Variants in AAK1 observed in about 807,000 individuals in gnomAD.
The protein encoded by AAK1 is AP2 associated kinase 1.
A neutral mutation model predicts 116.0 loss-of-function variants in AAK1; 37 were observed. The observed-to-expected ratio is 0.32, with a 90% CI of 0.25 to 0.42. The LOEUF is 0.42. Among genes scored for constraint, AAK1 ranks in the 10% least tolerant of loss-of-function variants. The probability of loss-of-function intolerance (pLI) is 1.00; values close to 1 mark genes in which losing one functional copy is unlikely to be tolerated. For synonymous variants in AAK1, 458 were observed against 439.9 expected (o/e 1.04, Z -0.51); for missense variants, 919 against 1,170.6 (o/e 0.79, Z 3.14).
chr2:69,517,712 C>T (rs1010266852), intron 12 of AAK1, among the ~76,000 whole-genome samples: 6 of 150,678 alleles, frequency 4.0e-5, no homozygotes, highest in Admixed American at 6.6e-5. Context: ...ATCAGCTAAA[C>T]CCAGAATGCC....
chr2:69,497,110 G>A (rs1225089248), intron 16 of AAK1, among the ~76,000 whole-genome samples: 1 of 151,942 alleles, frequency 6.6e-6, no homozygotes, highest in Non-Finnish European at 1.5e-5. Flanking sequence ...AGGATCAGAA[G>A]CCAGGTTTCT....
chr2:69,555,304 G>A (rs1671347407), intron 3 of AAK1, among the ~76,000 whole-genome samples: 1 of 152,220 alleles, frequency 6.6e-6, no homozygotes, highest in South Asian at 2.1e-4. Context: ...TGGCCCTTGG[G>A]AGTTGGCTGG....
chr2:69,472,258 C>T lies in AAK1; in HGVS notation c.*3611G>A. 1 of 776,770 alleles carries T rather than the reference C, an allele frequency of 1.3e-6. No individual in the cohort carries two copies. The highest frequency in any genetic ancestry group is 5.9e-5 in the South Asian group (1 of 16,982). The allele number at this position is 776,770 out of a possible 1,614,324, so 48.1% of individuals were successfully genotyped here. ...TCTTCATCTTACAGGGTTGAATTTG[C>T]TTTCTGGAAATGGCTAAATGTTACT... On this transcript the variant is annotated 3_prime_UTR_variant, in exon 22 of 22. Coordinates refer to ENST00000409085, the MANE Select transcript of AAK1 (RefSeq NM_014911.5).
In AAK1 at chr2:69,467,698, T is replaced by C. The variant is rs1167003085; in HGVS notation, c.*8171A>G. 1.0e-6 allele frequency: 1 copy of C among 985,302 alleles called. No homozygotes were observed. Among genetic ancestry groups the C allele is most frequent in the East Asian group, 1.1e-4 (1 of 8,832 alleles). The allele number at this position is 985,302 out of a possible 1,614,324, so 61.0% of individuals were successfully genotyped here. On this transcript the variant is annotated 3_prime_UTR_variant, in exon 22 of 22. Transcript: ENST00000409085. ...CCCATACTGACCCTCTCCCCTCCTA[T>C]GCAAACCATTAGCTAGCAGAAATTT... is the stretch of plus-strand genomic sequence containing the variant.
In AAK1 at chr2:69,473,200, G is replaced by T. The variant is rs1182263239; in HGVS notation, c.*2669C>A. The T allele has an allele frequency of 6.7e-5, 54 of 810,142 alleles. No individual in the cohort carries two copies. The highest frequency in any genetic ancestry group is 7.5e-5 in the Non-Finnish European group (50 of 670,100). The allele number at this position is 810,142 out of a possible 1,614,324, so 50.2% of individuals were successfully genotyped here. On this transcript the variant is annotated 3_prime_UTR_variant, in exon 22 of 22. Transcript: ENST00000409085. ...AAGGGCCAGGATGAGATCCCAGGTG[G>T]CCTGTCCTGCCCAGGCCTCTTCTCC...
In AAK1 at chr2:69,469,114, G is replaced by T. The variant is rs1337359915; in HGVS notation, c.*6755C>A. Reference sequence around the variant, plus strand: ...TAGGAATGGAAAAGTACATTTAAAGGGTTGTCCTGAGAAGGCCAAGTCCCT... The same window carrying T: ...TAGGAATGGAAAAGTACATTTAAAGTGTTGTCCTGAGAAGGCCAAGTCCCT... On this transcript the variant is annotated 3_prime_UTR_variant, in exon 22 of 22. Transcript: ENST00000409085. 2 of 985,288 alleles carry T rather than the reference G, an allele frequency of 2.0e-6. No homozygotes were observed. The highest frequency in any genetic ancestry group is 1.2e-6 in the Non-Finnish European group (1 of 829,948). The allele number at this position is 985,288 out of a possible 1,614,324, so 61.0% of individuals were successfully genotyped here.
chr2:69,572,436 G>T (rs574376551), intron 2 of AAK1, among the ~76,000 whole-genome samples: 1 of 151,960 alleles, frequency 6.6e-6, no homozygotes, highest in Non-Finnish European at 1.5e-5. Context: ...TGGCCAACAT[G>T]GAGAAACCCC....
chr2:69,481,112 T>C, intron 18 of AAK1, 151 bp from the exon 19 acceptor site: 1 of 623,714 alleles, frequency 1.6e-6, no homozygotes, highest in Non-Finnish European at 2.6e-6. Context: ...CTATCCCACC[T>C]TGGCCTCCCA....
chr2:69,464,513 GA>G lies in AAK1; in HGVS notation c.*11355del, dbSNP rs1220047441. 6.6e-6 allele frequency: 1 copy of G among 152,462 alleles called. No individual in the cohort carries two copies. Among genetic ancestry groups the G allele is most frequent in the Admixed American group, 6.5e-5 (1 of 15,272 alleles). 9.4% of individuals were successfully genotyped at this position (152,462 alleles called of 1,614,324 possible). ...TCCAACGTATTCTACTTTGCCATGA[GA>G]AAAAAACTAAATAAATAAAATGGGG... On this transcript the variant is annotated 3_prime_UTR_variant, in exon 22 of 22. Coordinates refer to ENST00000409085, the MANE Select transcript of AAK1 (RefSeq NM_014911.5).
rs2104959670 is a variant in AAK1, at chr2:69,505,603, A to G, written c.2235T>C (p.Asp745=). Residue 745 remains aspartate (D), a synonymous_variant, in exon 16 of 22, where the codon GAT becomes GAC. Coordinates refer to ENST00000409085, the MANE Select transcript of AAK1 (RefSeq NM_014911.5). Reference sequence around the variant, plus strand: ...CAGAAAATGAGGTCGTAGCAAAAGCATCACCTTGGGTTGATTGAAAGCCTG... The same window carrying G: ...CAGAAAATGAGGTCGTAGCAAAAGCGTCACCTTGGGTTGATTGAAAGCCTG... ...LIPGFQSTQG[D]AFATTSFSAG... is the part of the protein sequence containing the mutation. 6.2e-7 allele frequency: 1 copy of G among 1,613,792 alleles called. No homozygotes were observed. The highest frequency in any genetic ancestry group is 8.5e-7 in the Non-Finnish European group (1 of 1,179,758).
At chr2:69,498,134 G>A (rs1675824489) in intron 16 of AAK1, among the ~76,000 whole-genome samples, 1 of 152,050 alleles carries the variant, frequency 6.6e-6, no homozygotes, top group Admixed American at 6.5e-5. Context: ...GTGGTGCTGG[G>A]TTGAATTTGG....
At chr2:69,573,531 G>A (rs1252532495) in intron 2 of AAK1, among the ~76,000 whole-genome samples, 3 of 152,178 alleles carry the variant, frequency 2.0e-5, no homozygotes, top group African/African-American at 2.4e-5. Flanking sequence ...AAGCTGCATC[G>A]GCAAGTAGTC....
chr2:69,471,050 A>G lies in AAK1; in HGVS notation c.*4819T>C. 1.0e-6 allele frequency: 1 copy of G among 985,806 alleles called. No homozygotes were observed. The highest frequency in any genetic ancestry group is 1.2e-6 in the Non-Finnish European group (1 of 829,918). 61.1% of individuals were successfully genotyped at this position (985,806 alleles called of 1,614,324 possible). On this transcript the variant is annotated 3_prime_UTR_variant, in exon 22 of 22. Transcript: ENST00000409085. ...CGTTTTTACTGCATAAGATATCTTC[A>G]TGTACAACTGTATGCTTTGTCTTCT... is the stretch of plus-strand genomic sequence containing the variant.
At chr2:69,634,709 G>GAA (rs10631435) in intron 2 of AAK1, among the ~76,000 whole-genome samples, 39,277 of 152,126 alleles carry the variant, frequency 0.26, 5,613 homozygotes, top group East Asian at 0.54. Flanking sequence ...CAATGGTTAT[G>GAA]AAAGATTTCA....
intron 2 of AAK1, among the ~76,000 whole-genome samples, chr2:69,621,379 C>T (rs1413886992): frequency 1.1e-4 from 16 of 151,672 alleles, no homozygotes; most frequent in Non-Finnish European, 2.9e-5. Context: ...CTCGGGAGGC[C>T]GAGGCAGAAG....
intron 2 of AAK1, among the ~76,000 whole-genome samples, chr2:69,623,825 T>G (rs1160216167): frequency 1.3e-5 from 2 of 151,630 alleles, no homozygotes; most frequent in Non-Finnish European, 2.9e-5. Context: ...GCACAAAAAT[T>G]TAAAATATCT....
At chr2:69,594,992 A>G (rs1044231514) in intron 2 of AAK1, 37 of 784,498 alleles carry the variant, frequency 4.7e-5, no homozygotes, top group Admixed American at 2.6e-4. Context: ...TTACTGTGTC[A>G]CTTTGTGGGG....
chr2:69,532,769 T>C (rs1314261875), intron 5 of AAK1, among the ~76,000 whole-genome samples: 1 of 152,202 alleles, frequency 6.6e-6, no homozygotes. Flanking sequence ...TTCAGTTACT[T>C]CTCAATGTGA....
At chr2:69,583,026 A>C (rs1672612832) in intron 2 of AAK1, among the ~76,000 whole-genome samples, 1 of 152,204 alleles carries the variant, frequency 6.6e-6, no homozygotes, top group Admixed American at 6.5e-5. Context: ...CACGTGAGAG[A>C]TACCAAAAGG....
Sources: gnomAD v4.1 joint callset for allele counts (sites outside exome capture counted in the v4.1 genomes callset) on GRCh38, gnomAD v4.1.1 for gene constraint, MANE v1.5 for transcripts, NCBI Gene and HGNC (gene_info 2026-07-23, HGNC 2026-07-21) for gene names.